ELL: variants seen among roughly 807,000 people sequenced by gnomAD.
The protein encoded by ELL is elongation factor for RNA polymerase II, also known as RNA polymerase II elongation factor ELL.
In ELL, 18 loss-of-function variants were observed where a neutral mutation model predicts 64.0. That is an observed-to-expected ratio of 0.28 (90% CI 0.19 to 0.42). The LOEUF is 0.42. ELL is among the 10% of genes least tolerant of loss of function. The pLI is 1.00. For synonymous variants in ELL, 399 were observed against 376.2 expected, an observed-to-expected ratio of 1.06 and a Z score of -0.70; for missense variants, 797 against 870.4, an observed-to-expected ratio of 0.92 and a Z score of 1.06.
chr19:18,482,308 C>CTTTTTTTTTTT lies in ELL; in HGVS notation c.136-9437_136-9427dup, dbSNP rs530594631. On this transcript the variant is annotated intron_variant, in intron 1 of 11. Coordinates refer to ENST00000262809, the MANE Select transcript of ELL (RefSeq NM_006532.4). ...TAGTCCATGGCTTGTCTTTTCATTC[C>CTTTTTTTTTTT]TTTTTTTTTTTTTTTTTTTTTTTTT... Among the ~76,000 whole-genome samples, 18 of 77,566 alleles carry CTTTTTTTTTTT rather than the reference C, an allele frequency of 2.3e-4. 5 individuals are homozygous for CTTTTTTTTTTT. Among genetic ancestry groups the CTTTTTTTTTTT allele is most frequent in the African/African-American group, 8.5e-4 (13 of 15,334 alleles). 50.9% of individuals were successfully genotyped at this position (77,566 alleles called of 152,430 possible).
chr19:18,502,699 T>C (rs1975805887), intron 1 of ELL, among the ~76,000 whole-genome samples: 2 of 152,174 alleles, frequency 1.3e-5, no homozygotes, highest in Non-Finnish European at 2.9e-5. Context: ...ACCAGACACC[T>C]GCCACTTGTC....
chr19:18,479,677 C>T (rs1975254228), intron 1 of ELL, among the ~76,000 whole-genome samples: 4 of 148,040 alleles, frequency 2.7e-5, no homozygotes, highest in African/African-American at 1.0e-4. Flanking sequence ...CCACTGCACT[C>T]CAGCCTGCAC....
intron 4 of ELL, 117 bp downstream of exon 4, chr19:18,465,295 T>C: frequency 2.9e-6 from 4 of 1,390,486 alleles, no homozygotes; most frequent in African/African-American, 1.5e-5. Flanking sequence ...GACTCCTCGG[T>C]TGACCCATCA....
Position 18,485,716 on chromosome 19 carries a change from G to A in ELL, c.136-12834C>T, listed in dbSNP as rs74180887. On this transcript the variant is annotated intron_variant, in intron 1 of 11. Coordinates refer to ENST00000262809, the MANE Select transcript of ELL (RefSeq NM_006532.4). ...AAAGCTACGGGGATGGGCCGGGCGC[G>A]GTGGCTCACACCTGTAATCCCAGCA... Among the ~76,000 whole-genome samples, 291 of 152,112 alleles carry A rather than the reference G, an allele frequency of 1.9e-3. 1 individual carries two copies. The highest frequency in any genetic ancestry group is 2.5e-3 in the Non-Finnish European group (167 of 67,982).
At chr19:18,446,674 C>A in intron 9 of ELL, 74 bp downstream of exon 9, 1 of 1,576,298 alleles carries the variant, frequency 6.3e-7, no homozygotes, top group South Asian at 1.1e-5. Flanking sequence ...CCTCTGATAA[C>A]CTGCAGTGCT....
In ELL at chr19:18,457,788, G is replaced by T. The variant is rs531313711; in HGVS notation, c.869+417C>A. On this transcript the variant is annotated intron_variant, in intron 6 of 11. Transcript: ENST00000262809. ...TGACGCCTGCCCTGCCGGGAGTGTC[G>T]TTTGGCCTTATTTCTCTCTACTTCA... 6.6e-5 allele frequency among the ~76,000 whole-genome samples: 10 copies of T among 152,264 alleles called. No homozygotes were observed. In the South Asian group the frequency reaches 2.1e-3, roughly 32 times the overall value.
intron 1 of ELL, among the ~76,000 whole-genome samples, chr19:18,473,729 C>T (rs865854369): frequency 1.3e-5 from 2 of 151,610 alleles, no homozygotes; most frequent in Non-Finnish European, 2.9e-5. Flanking sequence ...GGGCCCTAAG[C>T]GTAGATCTCA....
In ELL at chr19:18,501,280, C is replaced by T. The variant is rs1050111751; in HGVS notation, c.135+20641G>A. Among the ~76,000 whole-genome samples, 3 of 151,976 alleles carry T rather than the reference C, an allele frequency of 2.0e-5. No homozygotes were observed. The highest frequency in any genetic ancestry group is 4.4e-5 in the Non-Finnish European group (3 of 68,010). On this transcript the variant is annotated intron_variant, in intron 1 of 11. Coordinates refer to ENST00000262809, the MANE Select transcript of ELL (RefSeq NM_006532.4). This position sits in a 1 kb window ranked among gnomAD's most constrained non-coding sequence, Gnocchi z 4.5. ...CAGAGAGTAACGCAAGTGGGCAAAA[C>T]ACATGAGAAGCCACCAAGCAGACCC...
At chr19:18,474,045 G>A (rs937389254) in intron 1 of ELL, among the ~76,000 whole-genome samples, 1 of 152,252 alleles carries the variant, frequency 6.6e-6, no homozygotes, top group Non-Finnish European at 1.5e-5. Flanking sequence ...ACCTGCGACA[G>A]TATCAGAGAC....
At chr19:18,453,436 G>A (rs892333916) in intron 6 of ELL, among the ~76,000 whole-genome samples, 4 of 152,120 alleles carry the variant, frequency 2.6e-5, no homozygotes, top group African/African-American at 9.7e-5. Flanking sequence ...TCAAAACAAC[G>A]AGACACTGGC....
chr19:18,509,589 GCGCGCACATACACA>G (rs1473966721), intron 1 of ELL, among the ~76,000 whole-genome samples: 29 of 110,172 alleles, frequency 2.6e-4, no homozygotes, highest in Admixed American at 1.3e-3. Context: ...ACGTGCGCGC[GCGCGCACATACACA>G]CACACACACA....
At chr19:18,495,982 C>T (rs1975643734) in intron 1 of ELL, among the ~76,000 whole-genome samples, 2 of 152,230 alleles carry the variant, frequency 1.3e-5, no homozygotes, top group Admixed American at 1.3e-4. Context: ...ACCCTACCTG[C>T]TCCACACAGT....
rs1408600801 is a variant in ELL at position 18,443,634 on chromosome 19, CACTAG to C, written c.*1113_*1117del. The C allele has an allele frequency of 8.6e-6, 2 of 233,356 alleles. No individual in the cohort carries two copies. The highest frequency in any genetic ancestry group is 1.2e-3 in the Middle Eastern group (1 of 808). 14.5% of individuals were successfully genotyped at this position (233,356 alleles called of 1,614,324 possible). On this transcript the variant is annotated 3_prime_UTR_variant, in exon 12 of 12. Transcript: ENST00000262809. Reference sequence around the variant, plus strand: ...CGTGGCCCCCCGATGCTTTGGGGGACACTAGACTAGGCACAGCAACAGAGCAGCAA... The same window carrying C: ...CGTGGCCCCCCGATGCTTTGGGGGACACTAGGCACAGCAACAGAGCAGCAA...
chr19:18,519,472 T>C (rs1227597496), intron 1 of ELL, among the ~76,000 whole-genome samples: 1 of 151,926 alleles, frequency 6.6e-6, no homozygotes, highest in Non-Finnish European at 1.5e-5. Context: ...CTTAGAAAAG[T>C]CCATCCACTA....
At chr19:18,473,216 A>C in intron 1 of ELL, 2 of 594,708 alleles carry the variant, frequency 3.4e-6, no homozygotes, top group Non-Finnish European at 6.3e-6. Flanking sequence ...CAGCCTGTGA[A>C]TCCACCGGGA....
At chr19:18,492,175 G>A (rs186444013) in intron 1 of ELL, among the ~76,000 whole-genome samples, 182 of 152,022 alleles carry the variant, frequency 1.2e-3, no homozygotes, top group Non-Finnish European at 2.1e-3. Context: ...GGCTCCACCC[G>A]GCCTGTTCTG....
intron 1 of ELL, among the ~76,000 whole-genome samples, chr19:18,491,340 T>C (rs993829078): frequency 1.4e-5 from 2 of 148,048 alleles, no homozygotes; most frequent in African/African-American, 4.9e-5. Flanking sequence ...CTTGAACTCC[T>C]GGGCTTTAGC....
intron 6 of ELL, among the ~76,000 whole-genome samples, chr19:18,455,824 C>T (rs1022968123): frequency 6.6e-6 from 1 of 152,134 alleles, no homozygotes; most frequent in Non-Finnish European, 1.5e-5. Flanking sequence ...ACCAGCTGGG[C>T]GCGGTGGCTC....
At chr19:18,499,989 TG>T (rs1429616269) in intron 1 of ELL, among the ~76,000 whole-genome samples, 4 of 152,190 alleles carry the variant, frequency 2.6e-5, no homozygotes, top group Non-Finnish European at 5.9e-5. Flanking sequence ...AGGCCAGGTG[TG>T]GTGGCTCACG....
Sources: allele counts gnomAD v4.1 joint callset (sites outside exome capture counted in the v4.1 genomes callset), GRCh38; gene constraint gnomAD v4.1.1; non-coding constraint Gnocchi (gnomAD v3.1); transcripts MANE v1.5; gene names NCBI Gene and HGNC (gene_info 2026-07-23, HGNC 2026-07-21).